The following B9D1 variants were observed in gnomAD, a reference collection of about 807,000 sequenced individuals.
B9D1 encodes B9 domain-containing protein 1.
B9D1 carries 20 observed loss-of-function variants against 26.1 expected under a neutral mutation model. The ratio of observed to expected loss-of-function variants is 0.77; its 90% CI spans 0.54 to 1.12. B9D1 has a LOEUF of 1.12. B9D1 is among the 50% of genes most tolerant of loss of function. B9D1 has a pLI of 0.00. For missense variants in B9D1, 260 were observed against 273.7 expected, an observed-to-expected ratio of 0.95 and a Z score of 0.35; for synonymous variants, 105 against 103.1, an observed-to-expected ratio of 1.02 and a Z score of -0.11.
At chr17:19,339,634 G>A (rs1157470844), downstream of B9D1, among the ~76,000 whole-genome samples, 1 of 152,182 alleles carries the variant, frequency 6.6e-6, no homozygotes, top group East Asian at 1.9e-4. Flanking sequence ...TCTTATGAGT[G>A]TTTCTCACTC....
upstream of B9D1, among the ~76,000 whole-genome samples, chr17:19,366,774 G>C (rs1258133165): frequency 6.6e-6 from 1 of 152,224 alleles, no homozygotes; most frequent in Non-Finnish European, 1.5e-5. Flanking sequence ...GCACTCGGCT[G>C]AATTTCACAA....
At chr17:19,337,620 G>A (rs1446012400), downstream of B9D1, 10 of 1,163,252 alleles carry the variant, frequency 8.6e-6, no homozygotes, top group East Asian at 5.2e-5. Flanking sequence ...TCTTGGTTAC[G>A]CTGCAGTAAC....
chr17:19,343,891 C>T (rs777623300), intron 5 of B9D1, 34 bp from the exon 6 acceptor site: 46 of 1,613,084 alleles, frequency 2.9e-5, no homozygotes, highest in Non-Finnish European at 3.6e-5. Flanking sequence ...TGAGCAGGGC[C>T]CCACCTGGGC....
At chr17:19,367,180 A>G (rs915972022), upstream of B9D1, among the ~76,000 whole-genome samples, 4 of 152,200 alleles carry the variant, frequency 2.6e-5, no homozygotes, top group Non-Finnish European at 5.9e-5. Flanking sequence ...ACTGGGGTCA[A>G]TCAGAAGCCA....
intron 1 of B9D1, among the ~76,000 whole-genome samples, chr17:19,373,452 C>T: frequency 6.6e-6 from 1 of 151,458 alleles, no homozygotes; most frequent in Non-Finnish European, 1.5e-5. Context: ...AGTGCAATGG[C>T]ACCATCTTGG....
chr17:19,341,867 G>A (rs1466127814), downstream of B9D1, among the ~76,000 whole-genome samples: 3 of 152,174 alleles, frequency 2.0e-5, no homozygotes, highest in African/African-American at 7.2e-5. Flanking sequence ...AGGAAAGCAA[G>A]GAAAGAGGGG....
In B9D1 at chr17:19,345,025, C is replaced by G. The variant is rs1199410466; in HGVS notation, c.405-1168G>C. On this transcript the variant is annotated intron_variant, in intron 5 of 6. Coordinates refer to ENST00000261499, the MANE Select transcript of B9D1 (RefSeq NM_015681.6). ...GGGCCTGGGAGCATCCCCACTGTGC[C>G]CAGCAGATCCCATCCCGGAGCTCAC... Among the ~76,000 whole-genome samples the G allele has an allele frequency of 2.6e-5, 4 of 152,338 alleles. No individual in the cohort carries two copies. The East Asian group carries it at 7.7e-4, about 29-fold the overall frequency.
At chr17:19,340,202 CCTCT>C (rs1907807123), downstream of B9D1, among the ~76,000 whole-genome samples, 1 of 152,042 alleles carries the variant, frequency 6.6e-6, no homozygotes, top group African/African-American at 2.4e-5. Flanking sequence ...ATGGAGTCTC[CCTCT>C]GTCGCCCCGG....
downstream of B9D1, among the ~76,000 whole-genome samples, chr17:19,342,625 C>T (rs1408537004): frequency 6.6e-6 from 1 of 151,808 alleles, no homozygotes. Context: ...TGGACAACCT[C>T]AGAGGTCAGG....
At chr17:19,362,378 C>T in intron 1 of B9D1, 129 bp downstream of exon 1, 1 of 682,864 alleles carries the variant, frequency 1.5e-6, no homozygotes. Context: ...GGCTCCCCTC[C>T]CCCGCCTAAC....
chr17:19,335,358 A>C, downstream of B9D1: 1 of 1,538,952 alleles, frequency 6.5e-7, no homozygotes, highest in South Asian at 1.2e-5. Flanking sequence ...TAATGTATGA[A>C]TGTGACTCAC....
At chr17:19,344,861 G>A (rs1374516999) in intron 5 of B9D1, among the ~76,000 whole-genome samples, 1 of 152,230 alleles carries the variant, frequency 6.6e-6, no homozygotes, top group Non-Finnish European at 1.5e-5. Context: ...ACCCCAAGGA[G>A]GGAGCCAGAG....
chr17:19,344,551 TC>T, intron 5 of B9D1: 1 of 250,538 alleles, frequency 4.0e-6, no homozygotes, highest in Non-Finnish European at 8.5e-6. Context: ...GGAGCACTAT[TC>T]CCGGCCGGGT....
Position 19,372,009 on chromosome 17 carries a change from A to G in B9D1, c.-298+5850T>C, listed in dbSNP as rs1425315512. 6.6e-6 allele frequency: 1 copy of G among 152,242 alleles called. No homozygotes were observed. The highest frequency in any genetic ancestry group is 1.5e-5 in the Non-Finnish European group (1 of 68,052). The allele number at this position is 152,242 out of a possible 1,614,324, so 9.4% of individuals were successfully genotyped here. On this transcript the variant is annotated intron_variant, in intron 1 of 5. Coordinates refer to the B9D1 transcript ENST00000477478. The surrounding 1 kb of genome is among the most constrained non-coding windows in gnomAD (Gnocchi z 4.4). ...AAAACCTGGTGCAGGGAGTCCTACAAACAGAGGCCCCTCCCACAGTTGAGC... is the reference window on the plus strand; with the variant it reads ...AAAACCTGGTGCAGGGAGTCCTACAGACAGAGGCCCCTCCCACAGTTGAGC...
downstream of B9D1, among the ~76,000 whole-genome samples, chr17:19,342,739 C>A (rs1467197814): frequency 4.6e-5 from 7 of 152,006 alleles, no homozygotes. Context: ...AGCCCCCATC[C>A]TTGGACTGTG....
In B9D1 at chr17:19,343,475, G is replaced by GGCA; in HGVS notation, c.473-17_473-15dup. 4 of 1,614,150 alleles carry GGCA rather than the reference G, an allele frequency of 2.5e-6. No homozygotes were observed. The highest frequency in any genetic ancestry group is 3.4e-6 in the Non-Finnish European group (4 of 1,180,014). The stretch of plus-strand genomic sequence containing the variant: ...GGACACGGGTCACTGGGGACAGAAG[G>GGCA]GCAGCATCAGCCAGGCTGGGCTGGG... On this transcript the variant is annotated splice_polypyrimidine_tract_variant and intron_variant, in intron 6 of 6. Transcript: ENST00000261499.
At chr17:19,369,188 T>C (rs913799605) in intron 1 of B9D1, among the ~76,000 whole-genome samples, 6 of 152,130 alleles carry the variant, frequency 3.9e-5, no homozygotes, top group African/African-American at 7.2e-5. Flanking sequence ...GGAGAAGACA[T>C]TGGAGCAAAG....
At chr17:19,360,179 C>T (rs1910859245) in intron 2 of B9D1, 141 bp downstream of exon 2, 6 of 794,510 alleles carry the variant, frequency 7.6e-6, no homozygotes, top group Non-Finnish European at 1.3e-5. Context: ...TCCCGCTTTA[C>T]CAGGAACACT....
At chr17:19,336,958 A>T (rs1254214460), downstream of B9D1, among the ~76,000 whole-genome samples, 1 of 152,168 alleles carries the variant, frequency 6.6e-6, no homozygotes, top group Non-Finnish European at 1.5e-5. Flanking sequence ...TGCTGGGGGA[A>T]GTGCTAGCCA....
Sources: gnomAD v4.1 joint callset for allele counts (sites outside exome capture counted in the v4.1 genomes callset) on GRCh38, gnomAD v4.1.1 for gene constraint, Gnocchi (gnomAD v3.1) non-coding constraint, MANE v1.5 for transcripts, NCBI Gene and HGNC (gene_info 2026-07-23, HGNC 2026-07-21) for gene names.